Variants in ANKRD44 observed in about 807,000 individuals in gnomAD.
ANKRD44 encodes the protein ankyrin repeat domain 44.
Under a neutral mutation model 116.0 loss-of-function variants are expected in ANKRD44, and 35 were observed. The ratio of observed to expected loss-of-function variants is 0.30; its 90% CI spans 0.23 to 0.40. The LOEUF (loss-of-function observed/expected upper bound fraction) is 0.40. Among genes scored for constraint, ANKRD44 ranks in the 10% least tolerant of loss-of-function variants. The probability of loss-of-function intolerance (pLI) is 1.00; values close to 1 mark genes in which losing one functional copy is unlikely to be tolerated. For missense variants in ANKRD44, 1,014 were observed against 1,242.6 expected, an observed-to-expected ratio of 0.82 and a Z score of 2.77; for synonymous variants, 435 against 461.8, an observed-to-expected ratio of 0.94 and a Z score of 0.74.
At chr2:197,228,130 A>G (rs2697319) in intron 1 of ANKRD44, among the ~76,000 whole-genome samples, 34,558 of 152,114 alleles carry the variant, frequency 0.23, 4,108 homozygotes, top group Middle Eastern at 0.28. Flanking sequence ...AATGGAAATT[A>G]TGGTGGGATT....
intron 1 of ANKRD44, among the ~76,000 whole-genome samples, chr2:197,221,063 A>C (rs1169987848): frequency 6.6e-6 from 1 of 152,116 alleles, no homozygotes; most frequent in East Asian, 1.9e-4. Context: ...CAGCCTGGCC[A>C]ATGTGGTGAA....
At chr2:197,042,545 C>T (rs2076930767) in intron 16 of ANKRD44, among the ~76,000 whole-genome samples, 1 of 150,976 alleles carries the variant, frequency 6.6e-6, no homozygotes, top group African/African-American at 2.4e-5. Context: ...TCCAGGCCTC[C>T]ATATTTAAAG....
intron 2 of ANKRD44, among the ~76,000 whole-genome samples, chr2:197,148,785 G>A (rs1356137855): frequency 6.6e-6 from 1 of 152,182 alleles, no homozygotes; most frequent in African/African-American, 2.4e-5. Context: ...AACTCATGTT[G>A]TCTATGTATG....
chr2:196,998,212 G>C (rs759770140), intron 25 of ANKRD44, 125 bp downstream of exon 25: 23 of 701,666 alleles, frequency 3.3e-5, no homozygotes, highest in Non-Finnish European at 5.2e-5. Flanking sequence ...CAGTTGACAA[G>C]ACCCTGGGAA....
At chr2:197,100,435 A>AT (rs1261746872) in intron 9 of ANKRD44, among the ~76,000 whole-genome samples, 2 of 151,728 alleles carry the variant, frequency 1.3e-5, no homozygotes, top group African/African-American at 4.8e-5. Flanking sequence ...ACTCCGTCTC[A>AT]AAAAAAAAGA....
chr2:197,116,262 A>G (rs946379617), intron 8 of ANKRD44, among the ~76,000 whole-genome samples: 9 of 152,202 alleles, frequency 5.9e-5, no homozygotes, highest in Admixed American at 1.3e-4. Flanking sequence ...TACAGATAAA[A>G]TGAAGTGCAT....
intron 1 of ANKRD44, among the ~76,000 whole-genome samples, chr2:197,228,743 A>G (rs892433972): frequency 6.6e-6 from 1 of 152,250 alleles, no homozygotes; most frequent in Non-Finnish European, 1.5e-5. Flanking sequence ...AGTTATCTGA[A>G]GAGCAGTTAC....
intron 1 of ANKRD44, among the ~76,000 whole-genome samples, chr2:197,281,271 A>C (rs1266921010): frequency 1.3e-5 from 2 of 152,156 alleles, no homozygotes; most frequent in African/African-American, 4.8e-5. Flanking sequence ...TTTTCTCTAG[A>C]AAAAATAGAT....
At chr2:197,275,857 T>C (rs940148042) in intron 1 of ANKRD44, among the ~76,000 whole-genome samples, 2 of 152,196 alleles carry the variant, frequency 1.3e-5, no homozygotes, top group Non-Finnish European at 2.9e-5. Context: ...AAAGAGTTTA[T>C]ATAATTATCT....
chr2:197,265,953 T>C (rs2082730610), intron 1 of ANKRD44, among the ~76,000 whole-genome samples: 1 of 152,120 alleles, frequency 6.6e-6, no homozygotes, highest in Admixed American at 6.6e-5. Context: ...CTCCAAGGGC[T>C]AAAATGTAAA....
chr2:196,967,059 G>A (rs2075677134), exon 22 of ANKRD44: 1 of 153,456 alleles, frequency 6.5e-6, no homozygotes, highest in South Asian at 2.0e-4. Context: ...CTTTACTTGG[G>A]GCGTTACCAA....
chr2:196,995,461 C>A lies in ANKRD44; in HGVS notation c.2749G>T (p.Gly917Cys). ...ATTAACAAGGCACATTTTTCATGAC[C>A]CTAATAAAGAAAAAGAATGATAAGA... is the stretch of plus-strand genomic sequence containing the variant. ...NTPLHLACSK[G>C]HEKCALLILD... is the part of the protein sequence containing the mutation. The change falls in exon 26 of 28, where the codon GGT (glycine) becomes TGT (cysteine). Residue 917 changes from glycine to cysteine, a missense_variant and splice_region_variant. Physicochemically the swap from Gly to Cys is radical, Grantham distance 159 (BLOSUM62 -3). Transcript: ENST00000282272. The A allele has an allele frequency of 6.3e-7, 1 of 1,593,578 alleles. No homozygotes were observed. Among genetic ancestry groups the A allele is most frequent in the South Asian group, 1.2e-5 (1 of 86,660 alleles).
At chr2:197,071,394 T>G (rs1224840912) in intron 16 of ANKRD44, among the ~76,000 whole-genome samples, 3 of 152,222 alleles carry the variant, frequency 2.0e-5, no homozygotes, top group South Asian at 4.1e-4. Flanking sequence ...TGTTGTACTT[T>G]CATTTTCATT....
chr2:197,273,673 C>T (rs1345501400), intron 1 of ANKRD44, among the ~76,000 whole-genome samples: 2 of 152,036 alleles, frequency 1.3e-5, no homozygotes, highest in Non-Finnish European at 2.9e-5. Context: ...GAGTACATAT[C>T]AGATTCCCGA....
intron 16 of ANKRD44, among the ~76,000 whole-genome samples, chr2:197,072,342 T>C (rs2077579299): frequency 7.6e-6 from 1 of 132,304 alleles, no homozygotes; most frequent in African/African-American, 4.4e-5. Flanking sequence ...TGTGTATGTG[T>C]GTGTATGTGA....
chr2:197,218,234 C>T (rs527816681), intron 1 of ANKRD44, among the ~76,000 whole-genome samples: 25 of 152,280 alleles, frequency 1.6e-4, no homozygotes, highest in Admixed American at 1.6e-3. Context: ...AAGATGTCTA[C>T]TGAGATTATT....
chr2:197,118,091 T>C (rs1329728010), intron 8 of ANKRD44, among the ~76,000 whole-genome samples: 2 of 151,792 alleles, frequency 1.3e-5, no homozygotes, highest in African/African-American at 4.8e-5. Context: ...CGTACACCTG[T>C]AATCCCAGCT....
intron 1 of ANKRD44, among the ~76,000 whole-genome samples, chr2:197,288,211 A>G (rs139560188): frequency 1.0e-3 from 159 of 152,302 alleles, no homozygotes; most frequent in African/African-American, 3.7e-3. Flanking sequence ...AAACACTGTT[A>G]CTTACATCCA....
chr2:197,293,076 A>G (rs941819423), intron 1 of ANKRD44, among the ~76,000 whole-genome samples: 3 of 152,102 alleles, frequency 2.0e-5, no homozygotes, highest in African/African-American at 7.2e-5. Flanking sequence ...ATTTTATATC[A>G]CCAATCTTTT....
Sources: allele counts gnomAD v4.1 joint callset (sites outside exome capture counted in the v4.1 genomes callset), GRCh38; gene constraint gnomAD v4.1.1; transcripts MANE v1.5; gene names NCBI Gene and HGNC (gene_info 2026-07-23, HGNC 2026-07-21).